FBXW11: variants seen among roughly 807,000 people sequenced by gnomAD.
FBXW11 encodes the protein F-box/WD repeat-containing protein 11.
FBXW11 carries 19 observed loss-of-function variants against 77.6 expected under a neutral mutation model. That is an observed-to-expected ratio of 0.24 (90% confidence interval 0.17 to 0.36). The LOEUF (loss-of-function observed/expected upper bound fraction) is 0.36. FBXW11 is among the 10% of genes least tolerant of loss of function. FBXW11 has a pLI of 1.00. For missense variants in FBXW11, 334 were observed against 704.2 expected, an observed-to-expected ratio of 0.47 and a Z score of 5.95; for synonymous variants, 235 against 249.4, an observed-to-expected ratio of 0.94 and a Z score of 0.54.
intron 10 of FBXW11, among the ~76,000 whole-genome samples, chr5:171,872,289 C>G (rs1423594036): frequency 6.6e-6 from 1 of 151,976 alleles, no homozygotes; most frequent in Non-Finnish European, 1.5e-5. Flanking sequence ...GATTATAAAC[C>G]AAAGTTAAGT....
intron 7 of FBXW11, among the ~76,000 whole-genome samples, chr5:171,881,509 T>C (rs555078230): frequency 6.6e-6 from 1 of 152,364 alleles, no homozygotes; most frequent in South Asian, 2.1e-4. Flanking sequence ...TAATTGATTT[T>C]TGAAGGTTAA....
At chr5:171,961,808 G>A (rs570240048) in intron 1 of FBXW11, among the ~76,000 whole-genome samples, 11 of 152,120 alleles carry the variant, frequency 7.2e-5, no homozygotes, top group African/African-American at 2.4e-4. Context: ...CACCATGCCC[G>A]GCTTATTTTT....
rs367637484 is a variant in FBXW11, at chr5:171,968,345, C to A, written c.46-10647G>T. Reference sequence around the variant, plus strand: ...CAGTGGCAGGCACCTGCAGTCCCAGCTACACGGGAGGCTGAGGCAGGAGAA... The same window carrying A: ...CAGTGGCAGGCACCTGCAGTCCCAGATACACGGGAGGCTGAGGCAGGAGAA... On this transcript the variant is annotated intron_variant, in intron 1 of 13. Coordinates refer to ENST00000517395, the MANE Select transcript of FBXW11 (RefSeq NM_001378974.1). 4.6e-5 allele frequency among the ~76,000 whole-genome samples: 7 copies of A among 151,900 alleles called. No homozygotes were observed. In the East Asian group the frequency reaches 1.2e-3, roughly 25 times the overall value.
At chr5:171,890,160 G>T (rs1303508476) in intron 7 of FBXW11, among the ~76,000 whole-genome samples, 1 of 152,062 alleles carries the variant, frequency 6.6e-6, no homozygotes, top group African/African-American at 2.4e-5. Flanking sequence ...AATGAGGTAT[G>T]TTCACATACC....
rs142268819 is a variant in FBXW11 at position 171,905,919 on chromosome 5, C to T, written c.436+4653G>A. On this transcript the variant is annotated intron_variant, in intron 4 of 13. Coordinates refer to ENST00000517395, the MANE Select transcript of FBXW11 (RefSeq NM_001378974.1). ...CCTAAGGCAACAAGAGGACACATTA[C>T]AGCCTCAGAAAATTGAGGCCATAAT... is the stretch of plus-strand genomic sequence containing the variant. Among the ~76,000 whole-genome samples, 335 of 152,298 alleles carry T rather than the reference C, an allele frequency of 2.2e-3. 2 individuals carry two copies. Among genetic ancestry groups the T allele is most frequent in the African/African-American group, 8.0e-3 (333 of 41,554 alleles).
In FBXW11 at chr5:171,863,674, A is replaced by C. The variant is rs1757216811; in HGVS notation, c.*453T>G. 1 of 152,640 alleles carries C rather than the reference A, an allele frequency of 6.6e-6. No individual in the cohort carries two copies. The highest frequency in any genetic ancestry group is 2.4e-5 in the African/African-American group (1 of 41,452). 9.5% of individuals were successfully genotyped at this position (152,640 alleles called of 1,614,324 possible). A position where few individuals can be genotyped will look rare whatever the true frequency, so the allele number is the denominator to read the frequency against. On this transcript the variant is annotated 3_prime_UTR_variant, in exon 14 of 14. Coordinates refer to ENST00000517395, the MANE Select transcript of FBXW11 (RefSeq NM_001378974.1). ...GGAGAATGCTAACTTTTGAAAATGA[A>C]AGCCCTGGACATTCTGGGTAGGTGT... is the stretch of plus-strand genomic sequence containing the variant.
intron 1 of FBXW11, among the ~76,000 whole-genome samples, chr5:171,984,940 C>T (rs578001338): frequency 3.9e-5 from 6 of 152,240 alleles, no homozygotes; most frequent in African/African-American, 1.4e-4. Context: ...AATTAACCAA[C>T]AGGTTATAAA....
intron 1 of FBXW11, among the ~76,000 whole-genome samples, chr5:171,970,601 G>A (rs1442454283): frequency 6.6e-6 from 1 of 151,798 alleles, no homozygotes; most frequent in Non-Finnish European, 1.5e-5. Flanking sequence ...GACTTAACAG[G>A]CCCCTACACC....
intron 1 of FBXW11, among the ~76,000 whole-genome samples, chr5:171,977,464 G>A (rs974947714): frequency 6.6e-6 from 1 of 152,178 alleles, no homozygotes; most frequent in Non-Finnish European, 1.5e-5. Context: ...ATGAACTGAA[G>A]ATGACAAAAC....
chr5:171,992,354 G>C (rs897169170), intron 1 of FBXW11, among the ~76,000 whole-genome samples: 10 of 152,034 alleles, frequency 6.6e-5, no homozygotes, highest in Admixed American at 5.9e-4. Flanking sequence ...TTGAACCCAG[G>C]AGGCAGAGGC....
At chr5:171,872,225 T>A (rs1329826931) in intron 10 of FBXW11, among the ~76,000 whole-genome samples, 1 of 152,192 alleles carries the variant, frequency 6.6e-6, no homozygotes, top group African/African-American at 2.4e-5. Flanking sequence ...AACAAAAAAC[T>A]TTTTTTAATA....
At chr5:171,967,830 A>C (rs1353196971) in intron 1 of FBXW11, among the ~76,000 whole-genome samples, 1 of 141,466 alleles carries the variant, frequency 7.1e-6, no homozygotes, top group Non-Finnish European at 1.5e-5. Context: ...CAAGAGCGAG[A>C]CTCTGTCTCA....
chr5:171,869,122 G>A lies in FBXW11; in HGVS notation c.1531-326C>T, dbSNP rs2113748186. ...CTCTAAAAATCCACTGGAAAACCTA[G>A]AACCAGAAAGACAGTTTGTTTTAAC... On this transcript the variant is annotated intron_variant, in intron 12 of 13. Coordinates refer to ENST00000517395, the MANE Select transcript of FBXW11 (RefSeq NM_001378974.1). The surrounding 1 kb of genome is among the most constrained non-coding windows in gnomAD (Gnocchi z 4.1). 6.6e-6 allele frequency among the ~76,000 whole-genome samples: 1 copy of A among 152,236 alleles called. No individual in the cohort carries two copies. The highest frequency in any genetic ancestry group is 1.5e-5 in the Non-Finnish European group (1 of 68,018).
Position 171,861,755 on chromosome 5 carries a change from C to A in FBXW11, c.*2372G>T, listed in dbSNP as rs1423416441. 1.3e-5 allele frequency: 2 copies of A among 152,604 alleles called. No homozygotes were observed. The highest frequency in any genetic ancestry group is 2.4e-5 in the African/African-American group (1 of 41,426). 9.5% of individuals were successfully genotyped at this position (152,604 alleles called of 1,614,324 possible). A position where few individuals can be genotyped will look rare whatever the true frequency, so the allele number is the denominator to read the frequency against. On this transcript the variant is annotated 3_prime_UTR_variant, in exon 14 of 14. Coordinates refer to ENST00000517395, the MANE Select transcript of FBXW11 (RefSeq NM_001378974.1). ...AAAGCTGTCATGAATAATATCTGTACAATTTAACAGTTTCAATAGCTGTTC... is the reference window on the plus strand; with the variant it reads ...AAAGCTGTCATGAATAATATCTGTAAAATTTAACAGTTTCAATAGCTGTTC...
At chr5:171,966,028 T>C (rs2113379493) in intron 1 of FBXW11, among the ~76,000 whole-genome samples, 1 of 152,274 alleles carries the variant, frequency 6.6e-6, no homozygotes, top group East Asian at 1.9e-4. Flanking sequence ...TGTTTCCCCT[T>C]TGCCTTCAGC....
intron 1 of FBXW11, among the ~76,000 whole-genome samples, chr5:172,002,027 T>C (rs189554489): frequency 6.6e-6 from 1 of 152,284 alleles, no homozygotes; most frequent in Admixed American, 6.5e-5. Context: ...AAAGGAAGAC[T>C]GGAATTGGAA....
intron 2 of FBXW11, among the ~76,000 whole-genome samples, chr5:171,949,790 G>T (rs1208781730): frequency 6.6e-6 from 1 of 152,114 alleles, no homozygotes; most frequent in East Asian, 1.9e-4. Flanking sequence ...TACCATTTCT[G>T]CATTTTCATC....
intron 2 of FBXW11, among the ~76,000 whole-genome samples, chr5:171,923,023 T>C (rs1032634294): frequency 6.6e-6 from 1 of 152,148 alleles, no homozygotes; most frequent in Non-Finnish European, 1.5e-5. Context: ...CAAGCAATAC[T>C]CGTGCCTCAG....
intron 2 of FBXW11, among the ~76,000 whole-genome samples, chr5:171,924,199 G>C (rs1761762338): frequency 6.6e-6 from 1 of 152,152 alleles, no homozygotes; most frequent in Middle Eastern, 3.4e-3. Context: ...TGGGATTACA[G>C]GAATGAGCCA....
Sources: allele counts gnomAD v4.1 joint callset (sites outside exome capture counted in the v4.1 genomes callset), GRCh38; gene constraint gnomAD v4.1.1; non-coding constraint Gnocchi (gnomAD v3.1); transcripts MANE v1.5; gene names NCBI Gene and HGNC (gene_info 2026-07-23, HGNC 2026-07-21).